Variants in NECAB2 observed in about 807,000 individuals in gnomAD.
NECAB2 encodes the protein N-terminal EF-hand calcium binding protein 2, also known as N-terminal EF-hand calcium-binding protein 2.
In NECAB2, 68 loss-of-function variants were observed where a neutral mutation model predicts 51.9. That is an observed-to-expected ratio of 1.31 (90% CI 1.08 to 1.60). The LOEUF is 1.60. Among genes scored for constraint, NECAB2 ranks in the 40% most tolerant of loss-of-function variants. The pLI is 0.00. For missense variants in NECAB2, 854 were observed against 490.3 expected (o/e 1.74, Z -7.00); for synonymous variants, 329 against 203.5 (o/e 1.62, Z -5.25).
chr16:83,994,575 C>G, intron 7 of NECAB2, 34 bp from the exon 8 acceptor site: 1 of 1,613,368 alleles, frequency 6.2e-7, no homozygotes. Context: ...TCCTGCCCAC[C>G]ACTGAAGTCT....
At chr16:83,975,285 A>G (rs2084396147) in intron 2 of NECAB2, among the ~76,000 whole-genome samples, 1 of 89,882 alleles carries the variant, frequency 1.1e-5, no homozygotes, top group Non-Finnish European at 2.2e-5. Flanking sequence ...CGGGGATGGG[A>G]ACAGGTGTGC....
upstream of NECAB2, chr16:83,966,296 C>T: frequency 1.3e-5 from 6 of 467,030 alleles, no homozygotes; most frequent in Non-Finnish European, 2.3e-5. Flanking sequence ...CTGCGCCTTC[C>T]AGAAGCAGGT....
chr16:84,002,062 AGCCCTGAGGTG>A (rs1182781997), intron 12 of NECAB2, 146 bp downstream of exon 12: 21 of 1,070,250 alleles, frequency 2.0e-5, no homozygotes, highest in Non-Finnish European at 2.9e-5. Context: ...GCTCAGAGCC[AGCCCTGAGGTG>A]GCCCCACATA....
At chr16:83,988,578 C>T (rs1328174952) in intron 5 of NECAB2, among the ~76,000 whole-genome samples, 2 of 152,158 alleles carry the variant, frequency 1.3e-5, no homozygotes, top group Admixed American at 1.3e-4. Flanking sequence ...TGAGTGATCG[C>T]TGTTAGTTCT....
At chr16:83,972,275 A>AGGTTC in intron 2 of NECAB2, 100 bp downstream of exon 2, 1 of 1,549,558 alleles carries the variant, frequency 6.5e-7, no homozygotes, top group Non-Finnish European at 8.9e-7. Flanking sequence ...CCTTGAACCT[A>AGGTTC]AAGGTTTGGA....
intron 6 of NECAB2, 35 bp from the exon 7 acceptor site, chr16:83,994,267 G>T (rs374681806): frequency 6.2e-7 from 1 of 1,604,178 alleles, no homozygotes; most frequent in African/African-American, 1.3e-5. Context: ...TGAAGCCACC[G>T]CCATGGTCTG....
At chr16:83,997,822 G>C (rs1023419688) in intron 9 of NECAB2, among the ~76,000 whole-genome samples, 1 of 152,112 alleles carries the variant, frequency 6.6e-6, no homozygotes, top group African/African-American at 2.4e-5. Flanking sequence ...ATCCAAAAAA[G>C]GTTTGGCATA....
In NECAB2 at chr16:83,992,993, G is replaced by A. The variant is rs755857807; in HGVS notation, c.597-1309G>A. Among the ~76,000 whole-genome samples the A allele has an allele frequency of 2.2e-4, 33 of 152,198 alleles. 1 individual carries two copies. Among genetic ancestry groups the A allele is most frequent in the African/African-American group, 9.6e-5 (4 of 41,452 alleles). On this transcript the variant is annotated intron_variant, in intron 6 of 12. Coordinates refer to ENST00000305202, the MANE Select transcript of NECAB2 (RefSeq NM_019065.3). ...TCCCACACTGGGTCAGCTCCATCAC[G>A]CGTCAGCAGTTACACCCACCTGCCC... is the stretch of plus-strand genomic sequence containing the variant.
chr16:84,001,748 A>G, intron 11 of NECAB2, 77 bp from the exon 12 acceptor site: 1 of 1,511,248 alleles, frequency 6.6e-7, no homozygotes, highest in Admixed American at 1.7e-5. Flanking sequence ...TTTGGGCTAG[A>G]GCTAGGATTA....
At chr16:83,997,978 C>T (rs1030519008) in intron 9 of NECAB2, among the ~76,000 whole-genome samples, 8 of 152,290 alleles carry the variant, frequency 5.3e-5, no homozygotes, top group South Asian at 2.1e-4. Context: ...TAAACAACCT[C>T]GTCTGTTTTC....
At chr16:83,965,908 G>C (rs2084275154), upstream of NECAB2, 1 of 1,612,818 alleles carries the variant, frequency 6.2e-7, no homozygotes, top group Non-Finnish European at 8.5e-7. Flanking sequence ...TGTACGCCAT[G>C]GGGCCGCTGG....
At chr16:83,993,524 C>T (rs1229818922) in intron 6 of NECAB2, 1 of 154,184 alleles carries the variant, frequency 6.5e-6, no homozygotes, top group Non-Finnish European at 1.5e-5. Context: ...TGTATGTCTG[C>T]CAGGAGCTTT....
intron 7 of NECAB2, 25 bp downstream of exon 7, chr16:83,994,445 G>A (rs1364991496): frequency 1.2e-6 from 2 of 1,611,732 alleles, no homozygotes; most frequent in Admixed American, 1.7e-5. Context: ...GGGCCCTGGT[G>A]GGGGTACCAG....
At chr16:84,001,372 G>C (rs1047484503) in intron 11 of NECAB2, among the ~76,000 whole-genome samples, 1 of 152,072 alleles carries the variant, frequency 6.6e-6, no homozygotes, top group East Asian at 1.9e-4. Flanking sequence ...CTGCTTCCCT[G>C]GTAAACACTC....
chr16:83,981,908 C>G (rs1017080818), intron 5 of NECAB2, among the ~76,000 whole-genome samples: 1 of 152,168 alleles, frequency 6.6e-6, no homozygotes. Context: ...CCAGAAAAGC[C>G]CAGCCTTGTC....
chr16:83,989,886 C>T (rs1448894336), intron 5 of NECAB2, among the ~76,000 whole-genome samples: 2 of 152,192 alleles, frequency 1.3e-5, no homozygotes, highest in Non-Finnish European at 2.9e-5. Context: ...AGGCTCCTCT[C>T]TGGCCACCTC....
intron 5 of NECAB2, among the ~76,000 whole-genome samples, chr16:83,983,656 C>A (rs1473713238): frequency 6.6e-6 from 1 of 152,040 alleles, no homozygotes; most frequent in Admixed American, 6.5e-5. Context: ...TTGAACAATC[C>A]TTCGCTCCCT....
At position 83,997,280 on chromosome 16, in the gene NECAB2, T is replaced by G; in HGVS notation, c.849+11T>G. On this transcript the variant is annotated intron_variant, in intron 9 of 12. Transcript: ENST00000305202. The stretch of plus-strand genomic sequence containing the variant: ...GATGGCACCAACATGGTGAGGCCCC[T>G]TCCCACCTCTCTTCTGGGACCACAT... 1 of 1,614,030 alleles carries G rather than the reference T, an allele frequency of 6.2e-7. No individual in the cohort carries two copies. Among genetic ancestry groups the G allele is most frequent in the South Asian group, 1.1e-5 (1 of 91,076 alleles).
intron 6 of NECAB2, among the ~76,000 whole-genome samples, chr16:83,992,628 C>G (rs369657938): frequency 6.6e-6 from 1 of 152,158 alleles, no homozygotes; most frequent in Non-Finnish European, 1.5e-5. Flanking sequence ...AGTTGAAGAG[C>G]TGGTCCTGAT....
Sources: gnomAD v4.1 joint callset for allele counts (sites outside exome capture counted in the v4.1 genomes callset) on GRCh38, gnomAD v4.1.1 for gene constraint, MANE v1.5 for transcripts, NCBI Gene and HGNC (gene_info 2026-07-23, HGNC 2026-07-21) for gene names.